The following TMEM255B variants were observed in gnomAD, a reference collection of about 807,000 sequenced individuals.
The protein encoded by TMEM255B is transmembrane protein 255B.
TMEM255B carries 35 observed loss-of-function variants against 34.5 expected under a neutral mutation model. That is an observed-to-expected ratio of 1.01 (90% CI 0.77 to 1.34). TMEM255B has a LOEUF of 1.34. Ranked by LOEUF, TMEM255B falls within the 40% of genes most tolerant of loss-of-function variation. The pLI is 0.00. For missense variants in TMEM255B, 432 were observed against 433.2 expected, an observed-to-expected ratio of 1.00 and a Z score of 0.02; for synonymous variants, 206 against 201.2, an observed-to-expected ratio of 1.02 and a Z score of -0.20.
intron 7 of TMEM255B, among the ~76,000 whole-genome samples, chr13:113,804,447 T>TC (rs199609121): frequency 3.1e-4 from 46 of 149,614 alleles, no homozygotes; most frequent in East Asian, 7.8e-4. Flanking sequence ...TGCTTTTTTC[T>TC]CCCCCCCCAA....
At position 113,812,925 on chromosome 13, in the gene TMEM255B, G is replaced by A. The variant is rs11620482; in HGVS notation, c.*1022G>A. The A allele has an allele frequency of 0.62, 66,665 of 108,266 alleles. 20,069 individuals are homozygous for A. Among genetic ancestry groups the A allele is most frequent in the East Asian group, 0.79 (2,836 of 3,578 alleles). The allele number at this position is 108,266 out of a possible 1,614,324, so 6.7% of individuals were successfully genotyped here. The stretch of plus-strand genomic sequence containing the variant: ...GAGTCACAGGCCCCGGGTGAGTCAC[G>A]GGTCCCGGGTGGGTCACGGGTCCCG... On this transcript the variant is annotated 3_prime_UTR_variant, in exon 9 of 9. Coordinates refer to ENST00000375353, the MANE Select transcript of TMEM255B (RefSeq NM_182614.4).
At chr13:113,795,701 CCAA>C (rs1186751655) in intron 4 of TMEM255B, among the ~76,000 whole-genome samples, 19 of 123,878 alleles carry the variant, frequency 1.5e-4, no homozygotes, top group East Asian at 7.8e-4. Context: ...AGCACACACA[CCAA>C]AACAGAGCAC....
intron 3 of TMEM255B, among the ~76,000 whole-genome samples, chr13:113,793,799 C>T (rs1179351982): frequency 6.6e-6 from 1 of 152,234 alleles, no homozygotes; most frequent in Non-Finnish European, 1.5e-5. Context: ...GTGGTGCGCC[C>T]TGGACCGGCT....
At chr13:113,805,108 G>A (rs1594166755) in intron 8 of TMEM255B, 80 bp downstream of exon 8, 1 of 1,397,306 alleles carries the variant, frequency 7.2e-7, no homozygotes, top group African/African-American at 1.5e-5. Context: ...GGGGTCGGAG[G>A]GGATGAGGTC....
At position 113,800,911 on chromosome 13, in the gene TMEM255B, A is replaced by C; in HGVS notation, c.508A>C (p.Ser170Arg). The change falls in exon 6 of 9, where the codon AGC becomes CGC. Residue 170 changes from serine to arginine, a missense_variant and splice_region_variant. Physicochemically the swap from Ser to Arg is moderately radical, Grantham distance 110. Coordinates refer to ENST00000375353, the MANE Select transcript of TMEM255B (RefSeq NM_182614.4). ...CTGCTGTGACCTCTATGCCTGCGGG[A>C]GGTGAGGGGCACCGGGGACCCCCAT... ...CYCCDLYACG[S>R]AEPSPAYYEF... 1.7e-6 allele frequency: 2 copies of C among 1,207,204 alleles called. No individual in the cohort carries two copies. Among genetic ancestry groups the C allele is most frequent in the South Asian group, 1.3e-5 (1 of 77,332 alleles). 74.8% of individuals were successfully genotyped at this position (1,207,204 alleles called of 1,614,324 possible).
intron 8 of TMEM255B, among the ~76,000 whole-genome samples, chr13:113,809,795 C>G (rs1279245042): frequency 6.6e-6 from 1 of 152,102 alleles, no homozygotes; most frequent in East Asian, 1.9e-4. Context: ...CCTTAGTTTC[C>G]TTAACTGCTC....
In TMEM255B at chr13:113,811,935, T is replaced by C. The variant is rs577970392; in HGVS notation, c.*32T>C. The stretch of plus-strand genomic sequence containing the variant: ...CGTGGAGTAAAAGATAACTTGTTTG[T>C]TTTTTTTTTTAAAAAAAAGGCAGCC... On this transcript the variant is annotated 3_prime_UTR_variant, in exon 9 of 9. Coordinates refer to ENST00000375353, the MANE Select transcript of TMEM255B (RefSeq NM_182614.4). The C allele has an allele frequency of 2.3e-4, 260 of 1,115,872 alleles. 1 individual carries two copies. The African/African-American group carries it at 4.9e-3, about 21-fold the overall frequency. 69.1% of individuals were successfully genotyped at this position (1,115,872 alleles called of 1,614,324 possible).
chr13:113,802,050 G>A (rs1728634670), intron 7 of TMEM255B, among the ~76,000 whole-genome samples: 1 of 152,234 alleles, frequency 6.6e-6, no homozygotes, highest in African/African-American at 2.4e-5. Flanking sequence ...CCGCTGAGGT[G>A]GGCACAGCCG....
intron 7 of TMEM255B, chr13:113,803,122 G>A (rs1223087835): frequency 6.8e-6 from 1 of 148,046 alleles, no homozygotes; most frequent in African/African-American, 2.5e-5. Context: ...CAGGCCCGGG[G>A]TGTCCAGGGT....
intron 3 of TMEM255B, among the ~76,000 whole-genome samples, chr13:113,788,938 G>A (rs1027363504): frequency 6.6e-6 from 1 of 151,804 alleles, no homozygotes; most frequent in Non-Finnish European, 1.5e-5. Flanking sequence ...GCCACCGACC[G>A]ACTGCCCTGG....
rs144347748 is a variant in TMEM255B at position 113,800,963 on chromosome 13, G to A, written c.509+51G>A. The A allele has an allele frequency of 6.0e-3, 6,892 of 1,144,890 alleles. 270 individuals are homozygous for A. The African/African-American group carries it at 0.12, about 19-fold the overall frequency. The allele number at this position is 1,144,890 out of a possible 1,614,324, so 70.9% of individuals were successfully genotyped here. ...TCTACACCTGCGGGAGGTGAGGGGCGCTGGGGACCCCCGTATCTACACCTG... is the reference window on the plus strand; with the variant it reads ...TCTACACCTGCGGGAGGTGAGGGGCACTGGGGACCCCCGTATCTACACCTG... On this transcript the variant is annotated intron_variant, in intron 6 of 8. Coordinates refer to ENST00000375353, the MANE Select transcript of TMEM255B (RefSeq NM_182614.4).
At chr13:113,775,878 G>A (rs528602152) in intron 3 of TMEM255B, among the ~76,000 whole-genome samples, 5 of 152,286 alleles carry the variant, frequency 3.3e-5, no homozygotes, top group East Asian at 3.9e-4. Flanking sequence ...CCACATCCCC[G>A]CCCAGGGACC....
At chr13:113,798,788 T>C (rs2050989641) in intron 4 of TMEM255B, among the ~76,000 whole-genome samples, 1 of 152,040 alleles carries the variant, frequency 6.6e-6, no homozygotes, top group East Asian at 1.9e-4. Flanking sequence ...GAAGGATGGA[T>C]GATGGATGCA....
chr13:113,764,710 G>A (rs912926414), intron 1 of TMEM255B, among the ~76,000 whole-genome samples: 3 of 152,244 alleles, frequency 2.0e-5, no homozygotes, highest in African/African-American at 7.2e-5. Flanking sequence ...GCTCTGCAGG[G>A]GCAGGGGTGA....
chr13:113,807,516 T>C (rs9550246), intron 8 of TMEM255B, among the ~76,000 whole-genome samples: 38,972 of 98,004 alleles, frequency 0.4, 10,917 homozygotes, highest in East Asian at 0.83. Context: ...TGGTCCTCCC[T>C]GTCACACGCA....
chr13:113,766,281 TG>T lies in TMEM255B; in HGVS notation c.189+27del, dbSNP rs755215969. The T allele has an allele frequency of 2.0e-5, 32 of 1,613,104 alleles. No individual in the cohort carries two copies. The African/African-American group carries it at 3.2e-4, about 16-fold the overall frequency. ...TTGTGAGTGCGCCGGGCGGGCGGCCTGGGCCGGGGAGGGCAGGGTGGTGTGT... is the reference window on the plus strand; with the variant it reads ...TTGTGAGTGCGCCGGGCGGGCGGCCTGGCCGGGGAGGGCAGGGTGGTGTGT... On this transcript the variant is annotated intron_variant, in intron 2 of 8. Transcript: ENST00000375353.
rs1566330782 is a variant in TMEM255B, at chr13:113,804,615, TTAG to T, written c.670-269_670-267del. 4.3e-3 allele frequency among the ~76,000 whole-genome samples: 590 copies of T among 135,966 alleles called. 2 individuals carry two copies. Among genetic ancestry groups the T allele is most frequent in the East Asian group, 9.0e-3 (38 of 4,234 alleles). The allele number at this position is 135,966 out of a possible 152,430, so 89.2% of individuals were successfully genotyped here. A position where few individuals can be genotyped will look rare whatever the true frequency, so the allele number is the denominator to read the frequency against. On this transcript the variant is annotated intron_variant, in intron 7 of 8. Transcript: ENST00000375353. ...GGTATAAACGCACGCCGGGCCGGGG[TTAG>T]CTCCAGCCTGGGTATAAACGCACGC...
intron 1 of TMEM255B, 127 bp from the exon 2 acceptor site, chr13:113,765,988 C>A: frequency 7.9e-7 from 1 of 1,268,922 alleles, no homozygotes; most frequent in Non-Finnish European, 1.1e-6. Context: ...CTGAGGTGGG[C>A]CTGGAGGCAG....
At chr13:113,798,879 T>A (rs1397984437) in intron 4 of TMEM255B, among the ~76,000 whole-genome samples, 1 of 152,056 alleles carries the variant, frequency 6.6e-6, no homozygotes, top group Non-Finnish European at 1.5e-5. Context: ...GATGATTGGA[T>A]GGATGGTTGG....
Sources: gnomAD v4.1 joint callset for allele counts (sites outside exome capture counted in the v4.1 genomes callset) on GRCh38, gnomAD v4.1.1 for gene constraint, MANE v1.5 for transcripts, NCBI Gene and HGNC (gene_info 2026-07-23, HGNC 2026-07-21) for gene names.